EMILIN2: variants seen among roughly 807,000 people sequenced by gnomAD.
EMILIN2 encodes EMILIN-2.
A neutral mutation model predicts 87.1 loss-of-function variants in EMILIN2; 71 were observed. The observed-to-expected ratio is 0.82, with a 90% CI of 0.67 to 0.99. The LOEUF (loss-of-function observed/expected upper bound fraction) is 0.99. Among genes scored for constraint, EMILIN2 ranks in the 50% least tolerant of loss-of-function variants. The pLI is 0.00. For synonymous variants in EMILIN2, 581 were observed against 563.4 expected (o/e 1.03, Z -0.44); for missense variants, 1,407 against 1,371.8 (o/e 1.03, Z -0.40).
chr18:2,909,567 C>T, intron 6 of EMILIN2, 124 bp from the exon 7 acceptor site: 1 of 1,298,564 alleles, frequency 7.7e-7, no homozygotes. Flanking sequence ...TTTGCTTCAC[C>T]ACTTTGGGTG....
rs920093326 is a variant in EMILIN2 at position 2,880,429 on chromosome 18, G to T, written c.258-4535G>T. Among the ~76,000 whole-genome samples, 1 of 152,218 alleles carries T rather than the reference G, an allele frequency of 6.6e-6. No homozygotes were observed. The highest frequency in any genetic ancestry group is 1.5e-5 in the Non-Finnish European group (1 of 68,030). ...CGGGCAAAGGAGACTTGGCTGGAAT[G>T]GGGGAGAGTTCACAGGGGCGAGGCG... On this transcript the variant is annotated intron_variant, in intron 2 of 7. Coordinates refer to ENST00000254528, the MANE Select transcript of EMILIN2 (RefSeq NM_032048.3). This position sits in a 1 kb window ranked among gnomAD's most constrained non-coding sequence, Gnocchi z 4.1.
intron 4 of EMILIN2, among the ~76,000 whole-genome samples, chr18:2,899,641 A>G (rs142356043): frequency 6.6e-6 from 1 of 152,008 alleles, no homozygotes; most frequent in African/African-American, 2.4e-5. Flanking sequence ...AATAGCTGGG[A>G]TTACAGGCGC....
At chr18:2,863,745 G>A (rs1366352894) in intron 2 of EMILIN2, among the ~76,000 whole-genome samples, 2 of 152,170 alleles carry the variant, frequency 1.3e-5, no homozygotes, top group South Asian at 4.1e-4. Context: ...TCCACTTGGT[G>A]CAGAGCTGAG....
At chr18:2,886,186 G>C (rs1242477114) in intron 3 of EMILIN2, among the ~76,000 whole-genome samples, 2 of 152,038 alleles carry the variant, frequency 1.3e-5, no homozygotes, top group African/African-American at 4.8e-5. Context: ...CTCTATACTG[G>C]GTACTTGGAA....
Position 2,891,787 on chromosome 18 carries a change from C to G in EMILIN2, c.1660C>G (p.Leu554Val), listed in dbSNP as rs780329594. ...AGTTCAAGTTGTTGAAGACATTTGCCTGCTGAACATCCAGGGAAAGCCTCA... is the reference window on the plus strand; with the variant it reads ...AGTTCAAGTTGTTGAAGACATTTGCGTGCTGAACATCCAGGGAAAGCCTCA... ...DKVQVVEDIC[L>V]LNIQGKPHGM... Residue 554 changes from leucine to valine, a missense_variant, in exon 4 of 8, where the codon CTG becomes GTG. By Grantham distance (32) the Leu-to-Val change is conservative (BLOSUM62 1). Coordinates refer to ENST00000254528, the MANE Select transcript of EMILIN2 (RefSeq NM_032048.3). The surrounding 1 kb of genome is among the most constrained non-coding windows in gnomAD (Gnocchi z 4.6). The G allele has an allele frequency of 3.1e-6, 5 of 1,614,202 alleles. No individual in the cohort carries two copies. The South Asian group carries it at 5.5e-5, about 18-fold the overall frequency.
rs561217348 is a variant in EMILIN2 at position 2,890,608 on chromosome 18, A to G, written c.481A>G (p.Thr161Ala). 6.2e-6 allele frequency: 10 copies of G among 1,605,784 alleles called. No individual in the cohort carries two copies. Among genetic ancestry groups the G allele is most frequent in the African/African-American group, 4.0e-5 (3 of 74,708 alleles). ...AGAGCCCAGGAAGACTTTGTCCCCA[A>G]CTGGTACAGCACAACCAAGCTGGGG... ...FSEPRKTLSP[T>A]GTAQPSWGVD... Residue 161 changes from threonine (T) to alanine (A), a missense_variant, in exon 4 of 8, where the codon ACT (threonine) becomes GCT (alanine). Thr to Ala is a moderately conservative substitution (Grantham distance 58). Coordinates refer to ENST00000254528, the MANE Select transcript of EMILIN2 (RefSeq NM_032048.3). The surrounding 1 kb of genome is among the most constrained non-coding windows in gnomAD (Gnocchi z 4.7).
rs376259104 is a variant in EMILIN2 at position 2,913,122 on chromosome 18, C to T, written c.2880C>T (p.Pro960=). 5.0e-6 allele frequency: 8 copies of T among 1,613,432 alleles called. No individual in the cohort carries two copies. In the African/African-American group the frequency reaches 9.3e-5, roughly 19 times the overall value. The change falls in exon 8 of 8, where the codon CCC becomes CCT. Residue 960 remains proline, a synonymous_variant. Transcript: ENST00000254528. The part of the protein sequence containing the change: ...GRYLITATLT[P]ERDAYVEAVL... ...ACCTGATCACGGCCACCCTCACCCC[C>T]GAGAGAGACGCCTACGTGGAAGCAG...
intron 2 of EMILIN2, among the ~76,000 whole-genome samples, chr18:2,856,690 T>A (rs918855863): frequency 2.0e-5 from 3 of 152,220 alleles, no homozygotes; most frequent in African/African-American, 7.2e-5. Context: ...ACAAATGTTC[T>A]GATTTATCAT....
chr18:2,856,303 A>G (rs2076627103), intron 2 of EMILIN2, among the ~76,000 whole-genome samples: 1 of 152,188 alleles, frequency 6.6e-6, no homozygotes, highest in Non-Finnish European at 1.5e-5. Context: ...CTCTTTGGGG[A>G]AATGCACATA....
At chr18:2,859,135 AC>A (rs1165307631) in intron 2 of EMILIN2, among the ~76,000 whole-genome samples, 1 of 150,244 alleles carries the variant, frequency 6.7e-6, no homozygotes, top group Non-Finnish European at 1.5e-5. Context: ...TCTTTAAGGA[AC>A]CCCCATGCTG....
Position 2,915,243 on chromosome 18 carries a change from T to A in EMILIN2, c.*1839T>A, listed in dbSNP as rs2076961506. ...AACAATGGTGAATCTCAGCTCTGTG[T>A]ATTCAAGACAGGCAAAACAGAATAT... is the stretch of plus-strand genomic sequence containing the variant. On this transcript the variant is annotated 3_prime_UTR_variant, in exon 8 of 8. Coordinates refer to ENST00000254528, the MANE Select transcript of EMILIN2 (RefSeq NM_032048.3). 6.6e-6 allele frequency: 1 copy of A among 152,250 alleles called. No homozygotes were observed. Among genetic ancestry groups the A allele is most frequent in the African/African-American group, 2.4e-5 (1 of 41,442 alleles). 9.4% of individuals were successfully genotyped at this position (152,250 alleles called of 1,614,324 possible).
At chr18:2,870,711 G>A (rs992181088) in intron 2 of EMILIN2, among the ~76,000 whole-genome samples, 3 of 152,224 alleles carry the variant, frequency 2.0e-5, no homozygotes, top group Non-Finnish European at 4.4e-5. Context: ...AGATGTGAGA[G>A]AAGGCCAAGG....
chr18:2,899,510 A>C (rs1478457555), intron 4 of EMILIN2, among the ~76,000 whole-genome samples: 1 of 151,850 alleles, frequency 6.6e-6, no homozygotes. Flanking sequence ...CTTTCTTGCT[A>C]TTTTATTTTT....
At chr18:2,846,341 T>C (rs1207981847), upstream of EMILIN2, among the ~76,000 whole-genome samples, 2 of 152,242 alleles carry the variant, frequency 1.3e-5, no homozygotes, top group African/African-American at 4.8e-5. The surrounding 1 kb of genome is among the most constrained non-coding windows in gnomAD (Gnocchi z 5.3). Flanking sequence ...AAGCAGAGGC[T>C]GTGAGATCAC....
intron 6 of EMILIN2, 119 bp from the exon 7 acceptor site, chr18:2,909,572 T>A: frequency 7.5e-7 from 1 of 1,328,872 alleles, no homozygotes; most frequent in South Asian, 1.4e-5. Flanking sequence ...TTCACCACTT[T>A]GGGTGAAATA....
At chr18:2,882,699 A>G (rs2076782603) in intron 2 of EMILIN2, among the ~76,000 whole-genome samples, 1 of 152,222 alleles carries the variant, frequency 6.6e-6, no homozygotes, top group East Asian at 1.9e-4. Flanking sequence ...CCCAGCCAAC[A>G]TGGTGAAACT....
Position 2,847,958 on chromosome 18 carries a change from G to C in EMILIN2, c.257+27G>C, listed in dbSNP as rs1246457603. 1 of 1,594,784 alleles carries C rather than the reference G, an allele frequency of 6.3e-7. No individual in the cohort carries two copies. Among genetic ancestry groups the C allele is most frequent in the Admixed American group, 1.7e-5 (1 of 58,236 alleles). ...TAAGTCCTGGAGCCGGGGAGCGGGCGGGGCGCGCCCGGGCCGGGGCGGTGG... is the reference window on the plus strand; with the variant it reads ...TAAGTCCTGGAGCCGGGGAGCGGGCCGGGCGCGCCCGGGCCGGGGCGGTGG... On this transcript the variant is annotated intron_variant, in intron 2 of 7. Transcript: ENST00000254528. This position sits in a 1 kb window ranked among gnomAD's most constrained non-coding sequence, Gnocchi z 4.5.
Position 2,894,063 on chromosome 18 carries a change from T to G in EMILIN2, c.2359+1577T>G, listed in dbSNP as rs2076852150. ...TTACCTCCCTGACCTGGTTCCGCTCTGGGTGACACAGGCCCTTGCACAAGG... is the reference window on the plus strand; with the variant it reads ...TTACCTCCCTGACCTGGTTCCGCTCGGGGTGACACAGGCCCTTGCACAAGG... On this transcript the variant is annotated intron_variant, in intron 4 of 7. Transcript: ENST00000254528. The surrounding 1 kb of genome is among the most constrained non-coding windows in gnomAD (Gnocchi z 5.0). 6.6e-6 allele frequency among the ~76,000 whole-genome samples: 1 copy of G among 152,186 alleles called. No individual in the cohort carries two copies. The highest frequency in any genetic ancestry group is 1.9e-4 in the East Asian group (1 of 5,200).
At chr18:2,846,964 T>C (rs2076577175), upstream of EMILIN2, 1 of 1,000,522 alleles carries the variant, frequency 1.0e-6, no homozygotes, top group Non-Finnish European at 1.2e-6. The surrounding 1 kb of genome is among the most constrained non-coding windows in gnomAD (Gnocchi z 5.3). Flanking sequence ...GACCTGTGCG[T>C]CATTGAGGGA....
Sources: allele counts gnomAD v4.1 joint callset (sites outside exome capture counted in the v4.1 genomes callset), GRCh38; gene constraint gnomAD v4.1.1; non-coding constraint Gnocchi (gnomAD v3.1); transcripts MANE v1.5; gene names NCBI Gene and HGNC (gene_info 2026-07-23, HGNC 2026-07-21).